DCAF7: variants seen among roughly 807,000 people sequenced by gnomAD.
DCAF7 encodes the protein DDB1 and CUL4 associated factor 7.
DCAF7 carries 4 observed loss-of-function variants against 41.2 expected under a neutral mutation model. That is an observed-to-expected ratio of 0.10 (90% CI 0.05 to 0.22). The LOEUF (loss-of-function observed/expected upper bound fraction) is 0.22, where lower values mean the gene tolerates loss of function less well. DCAF7 is among the 10% of genes least tolerant of loss of function. The pLI is 1.00. For missense variants in DCAF7, 131 were observed against 443.2 expected, an observed-to-expected ratio of 0.30 and a Z score of 6.32; for synonymous variants, 143 against 164.2, an observed-to-expected ratio of 0.87 and a Z score of 0.99.
Position 63,550,827 on chromosome 17 carries a change from A to G in DCAF7, c.138+12A>G, listed in dbSNP as rs1337864600. 4 of 1,611,838 alleles carry G rather than the reference A, an allele frequency of 2.5e-6. No individual in the cohort carries two copies. The East Asian group carries it at 6.7e-5, about 27-fold the overall frequency. ...AGTACAACAACAAGGTGGGCCGGGC[A>G]GGGGCTCGGAACCCAGCTGGCGGGG... On this transcript the variant is annotated intron_variant, in intron 1 of 6. Transcript: ENST00000614556. The surrounding 1 kb of genome is among the most constrained non-coding windows in gnomAD (Gnocchi z 4.8).
At position 63,589,389 on chromosome 17, in the gene DCAF7, A is replaced by G. The variant is rs994161821; in HGVS notation, c.*217A>G. Reference sequence around the variant, plus strand: ...GTGGCGCCTCCTCAGCCCAGGGCTGAGTTTTAAGATTTTCTCTCCTTTCCT... The same window carrying G: ...GTGGCGCCTCCTCAGCCCAGGGCTGGGTTTTAAGATTTTCTCTCCTTTCCT... On this transcript the variant is annotated 3_prime_UTR_variant, in exon 7 of 7. Transcript: ENST00000614556. 5.8e-5 allele frequency: 37 copies of G among 640,352 alleles called. No individual in the cohort carries two copies. The Middle Eastern group carries it at 8.0e-4, about 14-fold the overall frequency. 39.7% of individuals were successfully genotyped at this position (640,352 alleles called of 1,614,324 possible). A position where few individuals can be genotyped will look rare whatever the true frequency, so the allele number is the denominator to read the frequency against.
At position 63,584,587 on chromosome 17, in the gene DCAF7, C is replaced by T. The variant is rs185226646; in HGVS notation, c.739-624C>T. ...CATCCTAGCTAACACGGTGAAACCC[C>T]GTCTCTGCTAAAAAAATACAAAAAA... On this transcript the variant is annotated intron_variant, in intron 5 of 6. Transcript: ENST00000614556. 7.8e-4 allele frequency among the ~76,000 whole-genome samples: 118 copies of T among 152,018 alleles called. 1 individual carries two copies. The highest frequency in any genetic ancestry group is 2.6e-3 in the African/African-American group (107 of 41,480).
intron 1 of DCAF7, among the ~76,000 whole-genome samples, chr17:63,574,954 C>G (rs2033545562): frequency 6.6e-6 from 1 of 150,752 alleles, no homozygotes; most frequent in Non-Finnish European, 1.5e-5. Flanking sequence ...CCCTGGGTGA[C>G]AAGCAAGATC....
chr17:63,563,683 T>C (rs2033407836), intron 1 of DCAF7, among the ~76,000 whole-genome samples: 1 of 152,052 alleles, frequency 6.6e-6, no homozygotes, highest in Non-Finnish European at 1.5e-5. Context: ...AGCATGGTGG[T>C]GGGCACCTCT....
Position 63,589,327 on chromosome 17 carries a change from G to A in DCAF7, c.*155G>A, listed in dbSNP as rs2033710809. 3 of 1,005,136 alleles carry A rather than the reference G, an allele frequency of 3.0e-6. No individual in the cohort carries two copies. Among genetic ancestry groups the A allele is most frequent in the East Asian group, 5.2e-5 (2 of 38,402 alleles). 62.3% of individuals were successfully genotyped at this position (1,005,136 alleles called of 1,614,324 possible). A position where few individuals can be genotyped will look rare whatever the true frequency, so the allele number is the denominator to read the frequency against. ...AAGCTGCTCTAGGAGTTCCTGGCCAGTCACCCCATCGCCCTCTGTGGCAGA... is the reference window on the plus strand; with the variant it reads ...AAGCTGCTCTAGGAGTTCCTGGCCAATCACCCCATCGCCCTCTGTGGCAGA... On this transcript the variant is annotated 3_prime_UTR_variant, in exon 7 of 7. Coordinates refer to ENST00000614556, the MANE Select transcript of DCAF7 (RefSeq NM_005828.5).
At chr17:63,566,330 C>T (rs964199748) in intron 1 of DCAF7, among the ~76,000 whole-genome samples, 1 of 150,780 alleles carries the variant, frequency 6.6e-6, no homozygotes, top group African/African-American at 2.4e-5. Context: ...GAGATGGCGC[C>T]ACTGCACACC....
In DCAF7 at chr17:63,550,928, C is replaced by T. The variant is rs1337452515; in HGVS notation, c.138+113C>T. The T allele has an allele frequency of 1.4e-5, 21 of 1,457,212 alleles. No individual in the cohort carries two copies. Among genetic ancestry groups the T allele is most frequent in the Non-Finnish European group, 1.9e-5 (21 of 1,097,530 alleles). 90.3% of individuals were successfully genotyped at this position (1,457,212 alleles called of 1,614,324 possible). On this transcript the variant is annotated intron_variant, in intron 1 of 6. Transcript: ENST00000614556. This position sits in a 1 kb window ranked among gnomAD's most constrained non-coding sequence, Gnocchi z 4.8. ...CTCTTGCGGACTCGCCCTAGGGCCA[C>T]GGAGCGGTTCCTCTGTCTGGCCCTG...
intron 1 of DCAF7, among the ~76,000 whole-genome samples, chr17:63,565,768 T>C (rs1030789760): frequency 6.6e-5 from 10 of 152,156 alleles, no homozygotes; most frequent in African/African-American, 2.4e-4. Flanking sequence ...TATTAATGAT[T>C]ATTGTTATTC....
intron 1 of DCAF7, among the ~76,000 whole-genome samples, chr17:63,552,779 T>A (rs2033271375): frequency 6.6e-6 from 1 of 152,164 alleles, no homozygotes; most frequent in African/African-American, 2.4e-5. Context: ...GTCAAACTGC[T>A]GTTGCAGGAA....
intron 1 of DCAF7, among the ~76,000 whole-genome samples, chr17:63,574,193 C>T (rs2033537223): frequency 1.3e-5 from 2 of 152,178 alleles, no homozygotes; most frequent in African/African-American, 4.8e-5. Flanking sequence ...TTCCTATTTG[C>T]CTACCCAGAT....
At chr17:63,565,800 A>T (rs542377209) in intron 1 of DCAF7, among the ~76,000 whole-genome samples, 1 of 152,290 alleles carries the variant, frequency 6.6e-6, no homozygotes, top group African/African-American at 2.4e-5. Context: ...TAGTCAATGA[A>T]CAAATGTACT....
In DCAF7 at chr17:63,578,504, A is replaced by G. The variant is rs1454397308; in HGVS notation, c.173A>G (p.Glu58Gly). 46 of 1,613,912 alleles carry G rather than the reference A, an allele frequency of 2.9e-5. No homozygotes were observed. Among genetic ancestry groups the G allele is most frequent in the Non-Finnish European group, 3.4e-5 (40 of 1,179,892 alleles). ...GTTGGTTTAGATGAGGAGAGTTCAG[A>G]GTTTATTTGCAGAAACACCTTTGAC... ...QLVGLDEESSEFICRNTFDHP... is the reference protein window; with the variant it reads ...QLVGLDEESSGFICRNTFDHP... Residue 58 changes from glutamate (E) to glycine (G), a missense_variant, in exon 2 of 7, where the codon GAG becomes GGG. By Grantham distance (98) the Glu-to-Gly change is moderately conservative. Coordinates refer to ENST00000614556, the MANE Select transcript of DCAF7 (RefSeq NM_005828.5).
In DCAF7 at chr17:63,566,811, C is replaced by T. The variant is rs575170223; in HGVS notation, c.139-11659C>T. On this transcript the variant is annotated intron_variant, in intron 1 of 6. Transcript: ENST00000614556. ...CCAGCTCCTTAAGAGGCTGAAGGAT[C>T]GCCTGAGCAGGAGGATCGCCTGAGC... Among the ~76,000 whole-genome samples, 21 of 152,114 alleles carry T rather than the reference C, an allele frequency of 1.4e-4. 1 individual carries two copies. Among genetic ancestry groups the T allele is most frequent in the Admixed American group, 1.0e-3 (16 of 15,264 alleles).
In DCAF7 at chr17:63,579,402, T is replaced by C; in HGVS notation, c.363T>C (p.Ala121=). The change falls in exon 3 of 7, where the codon GCT becomes GCC. Residue 121 remains alanine, a synonymous_variant. Coordinates refer to ENST00000614556, the MANE Select transcript of DCAF7 (RefSeq NM_005828.5). ...LNNNKNSDFC[A]PLTSFDWNEV... ...ATAATAAGAACTCTGATTTCTGTGC[T>C]CCCCTGACCTCCTTTGACTGGAATG... 1 of 1,610,184 alleles carries C rather than the reference T, an allele frequency of 6.2e-7. No homozygotes were observed. Among genetic ancestry groups the C allele is most frequent in the Non-Finnish European group, 8.5e-7 (1 of 1,178,186 alleles).
At position 63,559,371 on chromosome 17, in the gene DCAF7, A is replaced by ATG. The variant is rs1295311374; in HGVS notation, c.138+8557_138+8558insGT. On this transcript the variant is annotated intron_variant, in intron 1 of 6. Transcript: ENST00000614556. ...TACGTATATATATGTATGTATATAT[A>ATG]TATGTGTATATATATGTATATATAT... Among the ~76,000 whole-genome samples, 167 of 79,738 alleles carry ATG rather than the reference A, an allele frequency of 2.1e-3. 4 individuals are homozygous for ATG. Among genetic ancestry groups the ATG allele is most frequent in the East Asian group, 0.012 (48 of 4,074 alleles). The allele number at this position is 79,738 out of a possible 152,430, so 52.3% of individuals were successfully genotyped here.
intron 1 of DCAF7, among the ~76,000 whole-genome samples, chr17:63,573,061 C>T (rs1298410018): frequency 6.6e-6 from 1 of 152,210 alleles, no homozygotes; most frequent in East Asian, 1.9e-4. Context: ...CCACACCCAG[C>T]CTCAGAGGTT....
intron 2 of DCAF7, 116 bp downstream of exon 2, chr17:63,578,744 G>A: frequency 7.1e-7 from 1 of 1,406,842 alleles, no homozygotes. Context: ...TTGCAGCACA[G>A]GAGAAGCAAG....
chr17:63,580,764 C>T (rs1328987724), intron 4 of DCAF7, among the ~76,000 whole-genome samples: 1 of 152,072 alleles, frequency 6.6e-6, no homozygotes, highest in Non-Finnish European at 1.5e-5. Context: ...TCAGGTGATC[C>T]ACCCACCTTG....
chr17:63,562,973 C>G (rs930933592), intron 1 of DCAF7, among the ~76,000 whole-genome samples: 1 of 151,994 alleles, frequency 6.6e-6, no homozygotes, highest in Non-Finnish European at 1.5e-5. Flanking sequence ...TACAGACGCA[C>G]AACACCCTGC....
Sources: allele counts gnomAD v4.1 joint callset (sites outside exome capture counted in the v4.1 genomes callset), GRCh38; gene constraint gnomAD v4.1.1; non-coding constraint Gnocchi (gnomAD v3.1); transcripts MANE v1.5; gene names NCBI Gene and HGNC (gene_info 2026-07-23, HGNC 2026-07-21).